Variants in ZFHX3 observed in about 807,000 individuals in gnomAD.
ZFHX3 encodes zinc finger homeobox protein 3.
Under a neutral mutation model 279.1 loss-of-function variants are expected in ZFHX3, and 42 were observed. That is an observed-to-expected ratio of 0.15 (90% CI 0.12 to 0.19). The LOEUF (loss-of-function observed/expected upper bound fraction) is 0.19. ZFHX3 is among the 10% of genes least tolerant of loss of function. ZFHX3 has a pLI of 1.00. For synonymous variants in ZFHX3, 2,293 were observed against 1,957.8 expected (o/e 1.17, Z -4.52); for missense variants, 4,981 against 4,754.0 (o/e 1.05, Z -1.40).
chr16:73,428,346 A>C (rs1188173206), intron 3 of ZFHX3, among the ~76,000 whole-genome samples: 1 of 152,178 alleles, frequency 6.6e-6, no homozygotes, highest in Non-Finnish European at 1.5e-5. Flanking sequence ...GGACTAATTA[A>C]GAAGAGTGAG....
intron 1 of ZFHX3, among the ~76,000 whole-genome samples, chr16:73,889,039 C>G (rs1194146067): frequency 3.9e-5 from 6 of 152,154 alleles, no homozygotes; most frequent in Non-Finnish European, 8.8e-5. Context: ...AATGACTGCC[C>G]AAGCTAGTAA....
At chr16:73,737,247 G>A (rs115400473) in intron 1 of ZFHX3, among the ~76,000 whole-genome samples, 4,734 of 152,194 alleles carry the variant, frequency 0.031, 83 homozygotes, top group African/African-American at 0.039. Flanking sequence ...GTGTTGCCCA[G>A]GCTGGTCTTG....
intron 1 of ZFHX3, among the ~76,000 whole-genome samples, chr16:73,770,230 G>A (rs561774038): frequency 1.3e-5 from 2 of 152,328 alleles, no homozygotes; most frequent in East Asian, 3.9e-4. Context: ...TCAGAGTGAT[G>A]TAATGTTAGA....
intron 5 of ZFHX3, among the ~76,000 whole-genome samples, chr16:73,255,035 T>C (rs1275227687): frequency 6.6e-6 from 1 of 152,160 alleles, no homozygotes; most frequent in African/African-American, 2.4e-5. Flanking sequence ...ATCAAAATGG[T>C]AGCAGCAGCT....
At chr16:73,756,328 G>T (rs2142275986) in intron 1 of ZFHX3, among the ~76,000 whole-genome samples, 1 of 152,254 alleles carries the variant, frequency 6.6e-6, no homozygotes, top group Non-Finnish European at 1.5e-5. Flanking sequence ...AATCTGATAG[G>T]CCTAATCCGG....
At chr16:73,617,202 T>A (rs944407786) in intron 2 of ZFHX3, among the ~76,000 whole-genome samples, 4 of 152,156 alleles carry the variant, frequency 2.6e-5, no homozygotes, top group African/African-American at 9.7e-5. Context: ...GGCCCTATCA[T>A]TAGCTGTAAT....
chr16:73,278,215 G>A (rs1326061094), intron 4 of ZFHX3, among the ~76,000 whole-genome samples: 1 of 152,092 alleles, frequency 6.6e-6, no homozygotes, highest in Non-Finnish European at 1.5e-5. Flanking sequence ...TAATTATACT[G>A]ATATTCTCCT....
At chr16:73,837,153 G>A (rs1302696877) in intron 1 of ZFHX3, among the ~76,000 whole-genome samples, 1 of 152,194 alleles carries the variant, frequency 6.6e-6, no homozygotes, top group African/African-American at 2.4e-5. Flanking sequence ...GACAAATCAG[G>A]TCTAGGAATG....
At chr16:73,452,258 T>C (rs770976602) in intron 3 of ZFHX3, among the ~76,000 whole-genome samples, 1 of 152,180 alleles carries the variant, frequency 6.6e-6, no homozygotes, top group Non-Finnish European at 1.5e-5. Context: ...TGCTGTGAAC[T>C]CTAAGCCATA....
chr16:73,091,111 T>G (rs2144777100), intron 8 of ZFHX3, among the ~76,000 whole-genome samples: 1 of 150,514 alleles, frequency 6.6e-6, no homozygotes, highest in African/African-American at 2.5e-5. Context: ...CTCGGGAGGC[T>G]GAGGCAAAAG....
intron 2 of ZFHX3, among the ~76,000 whole-genome samples, chr16:73,506,850 C>A (rs1175934107): frequency 6.6e-6 from 1 of 152,170 alleles, no homozygotes; most frequent in Non-Finnish European, 1.5e-5. Context: ...CTTTAATATG[C>A]ATACTGCTTG....
intron 5 of ZFHX3, among the ~76,000 whole-genome samples, chr16:73,248,673 A>T (rs1460146553): frequency 3.0e-5 from 4 of 132,114 alleles, no homozygotes; most frequent in Non-Finnish European, 4.7e-5. Flanking sequence ...GTGCACGTGC[A>T]CGTGTGTGTT....
intron 3 of ZFHX3, among the ~76,000 whole-genome samples, chr16:73,358,301 G>A (rs946750574): frequency 1.3e-5 from 2 of 152,158 alleles, no homozygotes; most frequent in Non-Finnish European, 2.9e-5. Flanking sequence ...AAGGCGTGTC[G>A]CCTGCAGGAT....
intron 2 of ZFHX3, among the ~76,000 whole-genome samples, chr16:73,624,601 A>G (rs1365330552): frequency 2.0e-5 from 3 of 151,894 alleles, no homozygotes; most frequent in Non-Finnish European, 2.9e-5. Context: ...ATATTGACAG[A>G]GTGAAATGAA....
chr16:73,223,294 T>C (rs1040557921), intron 5 of ZFHX3, among the ~76,000 whole-genome samples: 6 of 152,118 alleles, frequency 3.9e-5, no homozygotes, highest in African/African-American at 1.4e-4. Context: ...AGCCACAGAC[T>C]AGGAGAAAAT....
At chr16:73,130,047 G>T (rs966143985) in intron 7 of ZFHX3, among the ~76,000 whole-genome samples, 1 of 152,122 alleles carries the variant, frequency 6.6e-6, no homozygotes, top group East Asian at 1.9e-4. Flanking sequence ...TCCCAAAATT[G>T]TTTCTTAGGG....
intron 3 of ZFHX3, among the ~76,000 whole-genome samples, chr16:73,425,953 G>C (rs539258449): frequency 6.6e-6 from 1 of 151,776 alleles, no homozygotes; most frequent in East Asian, 1.9e-4. Flanking sequence ...AAAAAAAAAT[G>C]CTTCTGCTTC....
At chr16:73,692,045 C>G (rs1245429535) in intron 1 of ZFHX3, among the ~76,000 whole-genome samples, 1 of 152,178 alleles carries the variant, frequency 6.6e-6, no homozygotes, top group Non-Finnish European at 1.5e-5. Flanking sequence ...TGACCTTTTC[C>G]TGTTGCAGAT....
intron 1 of ZFHX3, among the ~76,000 whole-genome samples, chr16:73,012,628 C>G (rs1358744697): frequency 6.6e-6 from 1 of 152,154 alleles, no homozygotes; most frequent in Admixed American, 6.5e-5. Flanking sequence ...ATATCTTAAT[C>G]TAGGCAGCTG....
Sources: allele counts gnomAD v4.1 joint callset (sites outside exome capture counted in the v4.1 genomes callset), GRCh38; gene constraint gnomAD v4.1.1; transcripts MANE v1.5; gene names NCBI Gene and HGNC (gene_info 2026-07-23, HGNC 2026-07-21).